COL4A6: variants seen among roughly 807,000 people sequenced by gnomAD.
The protein encoded by COL4A6 is collagen alpha-6(IV) chain.
COL4A6 carries 59 observed loss-of-function variants against 126.7 expected under a neutral mutation model. That is an observed-to-expected ratio of 0.47 (90% CI 0.38 to 0.58). The LOEUF (loss-of-function observed/expected upper bound fraction) is 0.58. Among genes scored for constraint, COL4A6 ranks in the 20% least tolerant of loss-of-function variants. COL4A6 has a pLI of 0.00. For synonymous variants in COL4A6, 547 were observed against 496.6 expected (o/e 1.10, Z -1.35); for missense variants, 1,285 against 1,337.3 (o/e 0.96, Z 0.61).
At position 108,231,083 on chromosome X, in the gene COL4A6, ACAT is replaced by A. The variant is rs1180029341; in HGVS notation, c.145-9712_145-9710del. On this transcript the variant is annotated intron_variant, in intron 3 of 44. Coordinates refer to ENST00000334504, the MANE Select transcript of COL4A6 (RefSeq NM_033641.4). Reference sequence around the variant, plus strand: ...GAGCAGTGACCCTTTCCATCTACATACATACATACATACATACATACATACATA... The same window carrying A: ...GAGCAGTGACCCTTTCCATCTACATAACATACATACATACATACATACATA... 2.6e-4 allele frequency among the ~76,000 whole-genome samples: 28 copies of A among 108,464 alleles called. No homozygotes were observed. In the South Asian group the frequency reaches 9.6e-3, roughly 37 times the overall value. 94.2% of individuals were successfully genotyped at this position (108,464 alleles called of 115,157 possible). A position where few individuals can be genotyped will look rare whatever the true frequency, so the allele number is the denominator to read the frequency against.
chrX:108,180,958 C>T lies in COL4A6; in HGVS notation c.1962G>A (p.Leu654=). The T allele has an allele frequency of 8.3e-7, 1 of 1,208,257 alleles. No homozygotes were observed. The highest frequency in any genetic ancestry group is 2.3e-4 in the Middle Eastern group (1 of 4,343). ...QGLPGSKGIT[L]PCIIPGSYGP... is the part of the protein sequence containing the mutation. The stretch of plus-strand genomic sequence containing the variant: ...CGTATGACCCAGGAATAATACAGGG[C>T]AGGGTGATTCCTGTAAATGGTAACA... The change falls in exon 24 of 45, where the codon CTG becomes CTA. Residue 654 remains leucine (L), a synonymous_variant. Coordinates refer to ENST00000334504, the MANE Select transcript of COL4A6 (RefSeq NM_033641.4).
At chrX:108,194,467 A>T in intron 16 of COL4A6, 67 bp downstream of exon 16, 1 of 1,018,755 alleles carries the variant, frequency 9.8e-7, no homozygotes, top group Non-Finnish European at 1.3e-6. Context: ...TTCATCTTAT[A>T]TACAGACATT....
chrX:108,370,356 C>T (rs983107880), intron 2 of COL4A6, among the ~76,000 whole-genome samples: 2 of 111,513 alleles, frequency 1.8e-5, no homozygotes, highest in African/African-American at 6.5e-5. Flanking sequence ...ATGGTATGTA[C>T]TAGGTTCTCT....
intron 2 of COL4A6, among the ~76,000 whole-genome samples, chrX:108,400,701 T>C (rs1389897938): frequency 9.0e-6 from 1 of 111,653 alleles, no homozygotes; most frequent in African/African-American, 3.2e-5. Flanking sequence ...TGTGTGTGTA[T>C]GTGTATGAAT....
intron 28 of COL4A6, among the ~76,000 whole-genome samples, chrX:108,176,502 C>T (rs780551737): frequency 1.8e-5 from 2 of 110,856 alleles, no homozygotes; most frequent in Non-Finnish European, 3.8e-5. Flanking sequence ...TACCACCTGC[C>T]CAACTACCAA....
chrX:108,305,427 T>C (rs769832786), intron 3 of COL4A6, among the ~76,000 whole-genome samples: 23 of 111,663 alleles, frequency 2.1e-4, no homozygotes, highest in Non-Finnish European at 4.0e-4. Context: ...AAGGACTTTA[T>C]AGGTTTTCTA....
intron 17 of COL4A6, among the ~76,000 whole-genome samples, 159 bp from the exon 18 acceptor site, chrX:108,192,739 C>A (rs983395731): frequency 8.9e-6 from 1 of 112,506 alleles, no homozygotes; most frequent in African/African-American, 3.2e-5. Context: ...GATAATGGGT[C>A]TTCTGGAGCC....
intron 3 of COL4A6, among the ~76,000 whole-genome samples, chrX:108,276,456 A>T (rs1475575704): frequency 3.5e-5 from 4 of 112,792 alleles, no homozygotes; most frequent in Non-Finnish European, 7.5e-5. Context: ...TATGTTCCAA[A>T]GAAATAGTTA....
In COL4A6 at chrX:108,202,829, C is replaced by T. The variant is rs758922469; in HGVS notation, c.834+99G>A. ...ATAATAAAGATGGTGGCATTCTCTACAATATCCATGGGAAGAGGTCTTTCT... is the reference window on the plus strand; with the variant it reads ...ATAATAAAGATGGTGGCATTCTCTATAATATCCATGGGAAGAGGTCTTTCT... On this transcript the variant is annotated intron_variant, in intron 13 of 44. Coordinates refer to ENST00000334504, the MANE Select transcript of COL4A6 (RefSeq NM_033641.4). 61 of 671,094 alleles carry T rather than the reference C, an allele frequency of 9.1e-5. No individual in the cohort carries two copies. The African/African-American group carries it at 1.1e-3, about 12-fold the overall frequency. The allele number at this position is 671,094 out of a possible 1,213,427, so 55.3% of individuals were successfully genotyped here.
rs763699556 is a variant in COL4A6, at chrX:108,302,566, T to C, written c.144+8182A>G. ...CATGGTCTATTTGCAGGAATCTTCT[T>C]AAGCTGCTTGTCCATTTTGTGAGGG... On this transcript the variant is annotated intron_variant, in intron 3 of 44. Transcript: ENST00000334504. 3.6e-5 allele frequency among the ~76,000 whole-genome samples: 4 copies of C among 111,626 alleles called. No homozygotes were observed. The South Asian group carries it at 1.5e-3, about 43-fold the overall frequency.
Position 108,368,567 on chromosome X carries a change from T to G in COL4A6, c.64-57739A>C, listed in dbSNP as rs1397102901. Among the ~76,000 whole-genome samples the G allele has an allele frequency of 4.5e-5, 5 of 111,586 alleles. No homozygotes were observed. The East Asian group carries it at 1.4e-3, about 31-fold the overall frequency. On this transcript the variant is annotated intron_variant, in intron 2 of 44. Transcript: ENST00000334504. ...ACTCTAACTGTATAAAATAATTTTC[T>G]TTCTTCAATAATAAGTTAACTTTAT... is the stretch of plus-strand genomic sequence containing the variant.
At chrX:108,301,462 T>C (rs2038487711) in intron 3 of COL4A6, among the ~76,000 whole-genome samples, 1 of 111,686 alleles carries the variant, frequency 9.0e-6, no homozygotes, top group Admixed American at 9.5e-5. Flanking sequence ...AATTGATTTG[T>C]TGATATCTCG....
At chrX:108,420,830 G>A (rs1245034640) in intron 2 of COL4A6, among the ~76,000 whole-genome samples, 2 of 111,523 alleles carry the variant, frequency 1.8e-5, no homozygotes, top group Non-Finnish European at 3.8e-5. Context: ...ACAAGCAGGT[G>A]TCCTTCATAA....
At chrX:108,292,022 C>T (rs1404700901) in intron 3 of COL4A6, among the ~76,000 whole-genome samples, 1 of 111,728 alleles carries the variant, frequency 9.0e-6, no homozygotes, top group Non-Finnish European at 1.9e-5. Context: ...ATAAGGCATA[C>T]AACTTAATTT....
intron 2 of COL4A6, among the ~76,000 whole-genome samples, chrX:108,333,853 A>G (rs184600177): frequency 1.0e-3 from 112 of 111,462 alleles, no homozygotes; most frequent in Admixed American, 5.1e-3. Flanking sequence ...GTTAAAAGAT[A>G]CCTACAAGGA....
intron 2 of COL4A6, among the ~76,000 whole-genome samples, chrX:108,356,274 T>C (rs971619187): frequency 9.1e-6 from 1 of 109,798 alleles, no homozygotes; most frequent in Middle Eastern, 4.2e-3. Flanking sequence ...GGCACATGTA[T>C]ACATATGTAA....
intron 23 of COL4A6, chrX:108,183,786 G>C (rs1268697767): frequency 1.1e-6 from 1 of 919,567 alleles, no homozygotes; most frequent in Non-Finnish European, 1.4e-6. Context: ...GAGCAATCAA[G>C]TGAAGAAGAA....
intron 3 of COL4A6, among the ~76,000 whole-genome samples, chrX:108,272,161 T>G (rs1178891383): frequency 8.9e-6 from 1 of 111,741 alleles, no homozygotes; most frequent in Admixed American, 9.5e-5. Context: ...GTCTAGGCTC[T>G]GTTCCCTCAT....
Position 108,165,399 on chromosome X carries a change from G to T in COL4A6, c.3779C>A (p.Pro1260His). 1 of 1,209,871 alleles carries T rather than the reference G, an allele frequency of 8.3e-7. No individual in the cohort carries two copies. The highest frequency in any genetic ancestry group is 1.8e-5 in the South Asian group (1 of 56,748). ...PSLIAGQPGD[P>H]GRPGLDGERG... Reference sequence around the variant, plus strand: ...TTCTCCATCTAGGCCTGGTCGCCCGGGGTCACCAGGCTGTCCTGCTATGAG... The same window carrying T: ...TTCTCCATCTAGGCCTGGTCGCCCGTGGTCACCAGGCTGTCCTGCTATGAG... The change falls in exon 38 of 45, where the codon CCC becomes CAC. Residue 1260 changes from proline to histidine, a missense_variant. Physicochemically the swap from Pro to His is moderately conservative, Grantham distance 77. Transcript: ENST00000334504.
Sources: allele counts gnomAD v4.1 joint callset (sites outside exome capture counted in the v4.1 genomes callset), GRCh38; gene constraint gnomAD v4.1.1; transcripts MANE v1.5; gene names NCBI Gene and HGNC (gene_info 2026-07-23, HGNC 2026-07-21).